Variants in SLC4A10 observed in about 807,000 individuals in gnomAD.
SLC4A10 encodes solute carrier family 4 member 10.
A neutral mutation model predicts 137.7 loss-of-function variants in SLC4A10; 42 were observed. The ratio of observed to expected loss-of-function variants is 0.30; its 90% CI spans 0.24 to 0.39. The LOEUF is 0.39. Ranked by LOEUF, SLC4A10 falls within the 10% of genes least tolerant of loss-of-function variation. The probability of loss-of-function intolerance (pLI) is 1.00; values close to 1 mark genes in which losing one functional copy is unlikely to be tolerated. For missense variants in SLC4A10, 925 were observed against 1,355.0 expected (o/e 0.68, Z 4.98); for synonymous variants, 474 against 464.1 (o/e 1.02, Z -0.27).
At chr2:161,907,668 T>C (rs1028525119) in intron 15 of SLC4A10, among the ~76,000 whole-genome samples, 1 of 152,108 alleles carries the variant, frequency 6.6e-6, no homozygotes, top group African/African-American at 2.4e-5. Context: ...TAATGTAGAA[T>C]AAAAATGCAG....
At chr2:161,680,944 A>G (rs2040788956) in intron 1 of SLC4A10, among the ~76,000 whole-genome samples, 1 of 152,118 alleles carries the variant, frequency 6.6e-6, no homozygotes, top group Non-Finnish European at 1.5e-5. Flanking sequence ...AGATAGATAT[A>G]AGTAACATCT....
chr2:161,882,660 TAA>T (rs1223604281), intron 10 of SLC4A10, among the ~76,000 whole-genome samples: 1 of 152,102 alleles, frequency 6.6e-6, no homozygotes, highest in Admixed American at 6.6e-5. Context: ...CTTCATAGTG[TAA>T]AGAAATTTTT....
chr2:161,735,352 T>G (rs1319398305), intron 1 of SLC4A10, among the ~76,000 whole-genome samples: 2 of 151,800 alleles, frequency 1.3e-5, no homozygotes, highest in Non-Finnish European at 2.9e-5. Context: ...TTATACCATT[T>G]AAAAATAAAT....
Position 161,898,546 on chromosome 2 carries a change from CT to C in SLC4A10, c.1342-2359del, listed in dbSNP as rs528228440. On this transcript the variant is annotated intron_variant, in intron 11 of 26. Coordinates refer to ENST00000446997, the MANE Select transcript of SLC4A10 (RefSeq NM_001178015.2). The stretch of plus-strand genomic sequence containing the variant: ...TTTTCACCATTGGGATCATTTCCAT[CT>C]TTTTTATTCATTTGAAATGTGCAAA... 2.4e-4 allele frequency among the ~76,000 whole-genome samples: 36 copies of C among 152,192 alleles called. 1 individual carries two copies. In the South Asian group the frequency reaches 7.0e-3, roughly 30 times the overall value.
intron 1 of SLC4A10, among the ~76,000 whole-genome samples, chr2:161,665,998 T>G (rs1453709169): frequency 6.7e-6 from 1 of 149,908 alleles, no homozygotes; most frequent in South Asian, 2.1e-4. Flanking sequence ...TTTCATTTAA[T>G]AGGAAATTAT....
chr2:161,795,245 G>A (rs1175460370), intron 2 of SLC4A10, among the ~76,000 whole-genome samples: 1 of 152,012 alleles, frequency 6.6e-6, no homozygotes, highest in Non-Finnish European at 1.5e-5. Flanking sequence ...CTGTAGAAAA[G>A]GCTTTAGATT....
chr2:161,708,332 T>A (rs567227026), intron 1 of SLC4A10, among the ~76,000 whole-genome samples: 1 of 151,604 alleles, frequency 6.6e-6, no homozygotes, highest in South Asian at 2.1e-4. Context: ...AATTAAGAGT[T>A]GACATTTTAA....
At chr2:161,792,325 C>T (rs1339490397) in intron 2 of SLC4A10, among the ~76,000 whole-genome samples, 1 of 152,086 alleles carries the variant, frequency 6.6e-6, no homozygotes, top group African/African-American at 2.4e-5. Flanking sequence ...TTCCTTTAAT[C>T]ATTATTTTTC....
intron 2 of SLC4A10, among the ~76,000 whole-genome samples, chr2:161,784,921 G>C (rs920235113): frequency 6.7e-6 from 1 of 149,540 alleles, no homozygotes; most frequent in Non-Finnish European, 1.5e-5. Context: ...AAACAAAATA[G>C]ATAATAGAAA....
At chr2:161,956,893 G>A (rs1695766809) in intron 19 of SLC4A10, 96 bp from the exon 20 acceptor site, 1 of 1,315,084 alleles carries the variant, frequency 7.6e-7, no homozygotes, top group East Asian at 2.5e-5. Context: ...AGGGCTTGTT[G>A]AGTATCATCA....
At chr2:161,760,857 G>A (rs2050181192) in intron 1 of SLC4A10, among the ~76,000 whole-genome samples, 1 of 151,584 alleles carries the variant, frequency 6.6e-6, no homozygotes, top group Admixed American at 6.6e-5. Context: ...ATATATCAAT[G>A]GATACGTGGA....
At chr2:161,845,179 A>G (rs2059415341) in intron 4 of SLC4A10, among the ~76,000 whole-genome samples, 1 of 152,120 alleles carries the variant, frequency 6.6e-6, no homozygotes, top group Non-Finnish European at 1.5e-5. Context: ...GTTCATGTCT[A>G]TCTTTGAAGG....
At chr2:161,652,862 T>TTTTC (rs1558950765) in intron 1 of SLC4A10, among the ~76,000 whole-genome samples, 3 of 151,572 alleles carry the variant, frequency 2.0e-5, no homozygotes, top group Non-Finnish European at 4.4e-5. Context: ...TTCTTTTCTT[T>TTTTC]TAAGTATATT....
At chr2:161,710,726 C>T (rs1259151039) in intron 1 of SLC4A10, 1 of 455,120 alleles carries the variant, frequency 2.2e-6, no homozygotes, top group East Asian at 7.0e-5. Flanking sequence ...ACATGCATTT[C>T]ATTATACATC....
At chr2:161,856,523 T>C (rs2060115351) in intron 5 of SLC4A10, among the ~76,000 whole-genome samples, 1 of 152,040 alleles carries the variant, frequency 6.6e-6, no homozygotes, top group Admixed American at 6.6e-5. Flanking sequence ...CATAAATGTA[T>C]AATTTTCAGA....
At chr2:161,885,259 A>G (rs532231211) in intron 10 of SLC4A10, among the ~76,000 whole-genome samples, 1 of 149,496 alleles carries the variant, frequency 6.7e-6, no homozygotes, top group African/African-American at 2.5e-5. Context: ...ATAGAATTTA[A>G]TATGTTGATT....
At chr2:161,968,112 A>G (rs1174260416) in intron 23 of SLC4A10, among the ~76,000 whole-genome samples, 1 of 152,162 alleles carries the variant, frequency 6.6e-6, no homozygotes, top group Non-Finnish European at 1.5e-5. Context: ...CTATTATGTA[A>G]TGTTTAATAT....
intron 1 of SLC4A10, among the ~76,000 whole-genome samples, chr2:161,740,935 T>C (rs1574685294): frequency 1.3e-5 from 2 of 152,190 alleles, no homozygotes; most frequent in African/African-American, 4.8e-5. Flanking sequence ...AATTAACATA[T>C]TCACGAATAT....
intron 4 of SLC4A10, among the ~76,000 whole-genome samples, chr2:161,848,081 G>T (rs903905992): frequency 1.3e-5 from 2 of 152,170 alleles, no homozygotes; most frequent in Admixed American, 1.3e-4. Flanking sequence ...ACTGGTGTGT[G>T]ATGGTAACTC....
Sources: allele counts gnomAD v4.1 joint callset (sites outside exome capture counted in the v4.1 genomes callset), GRCh38; gene constraint gnomAD v4.1.1; transcripts MANE v1.5; gene names NCBI Gene and HGNC (gene_info 2026-07-23, HGNC 2026-07-21).